The following PPIL6 variants were observed in gnomAD, a reference collection of about 807,000 sequenced individuals.
PPIL6 encodes the protein peptidylprolyl isomerase like 6, also known as probable inactive peptidyl-prolyl cis-trans isomerase-like 6.
A neutral mutation model predicts 36.8 loss-of-function variants in PPIL6; 39 were observed. The observed-to-expected ratio is 1.06, with a 90% CI of 0.82 to 1.38. PPIL6 has a LOEUF of 1.38. PPIL6 is among the 40% of genes most tolerant of loss of function. The pLI is 0.00. For synonymous variants in PPIL6, 123 were observed against 134.1 expected (o/e 0.92, Z 0.57); for missense variants, 368 against 379.1 (o/e 0.97, Z 0.24).
intron 7 of PPIL6, among the ~76,000 whole-genome samples, chr6:109,395,236 A>T (rs1772246757): frequency 6.6e-6 from 1 of 151,970 alleles, no homozygotes; most frequent in Non-Finnish European, 1.5e-5. Context: ...GGGAAAACCC[A>T]TCTCTACTAA....
intron 7 of PPIL6, among the ~76,000 whole-genome samples, chr6:109,397,362 C>G (rs9480947): frequency 0.52 from 79,224 of 151,772 alleles, 21,821 homozygotes; most frequent in African/African-American, 0.71. Context: ...CGCCCTGTAA[C>G]GCTCTGTGTT....
intron 6 of PPIL6, among the ~76,000 whole-genome samples, chr6:109,409,429 C>T (rs984691266): frequency 5.9e-5 from 9 of 151,826 alleles, no homozygotes; most frequent in African/African-American, 4.8e-5. Context: ...CCAGGCAGGG[C>T]GGCAGGTGCC....
At chr6:109,432,616 G>C (rs1774217989) in intron 2 of PPIL6, among the ~76,000 whole-genome samples, 1 of 152,106 alleles carries the variant, frequency 6.6e-6, no homozygotes, top group South Asian at 2.1e-4. Flanking sequence ...GATGGTGCCT[G>C]AGAATTTGCA....
At chr6:109,414,051 T>C (rs905360285) in intron 6 of PPIL6, among the ~76,000 whole-genome samples, 2 of 152,180 alleles carry the variant, frequency 1.3e-5, no homozygotes. Flanking sequence ...TCGTATTTGA[T>C]AGAACAAGAG....
intron 1 of PPIL6, among the ~76,000 whole-genome samples, chr6:109,437,215 G>C (rs1031782660): frequency 6.6e-6 from 1 of 152,216 alleles, no homozygotes; most frequent in Non-Finnish European, 1.5e-5. Context: ...AGCAGTAACA[G>C]GCCTCTTTTC....
In PPIL6 at chr6:109,390,331, T is replaced by G. The variant is rs879072867; in HGVS notation, c.*2495A>C. ...TCATGGAACCCTCACAGCAATCTTA[T>G]GTGGTAGGTACCACTGTTTCTCAGA... On this transcript the variant is annotated 3_prime_UTR_variant, in exon 8 of 8. Coordinates refer to ENST00000521072, the MANE Select transcript of PPIL6 (RefSeq NM_173672.5). 2 of 152,262 alleles carry G rather than the reference T, an allele frequency of 1.3e-5. No individual in the cohort carries two copies. Among genetic ancestry groups the G allele is most frequent in the Admixed American group, 1.3e-4 (2 of 15,288 alleles). 9.4% of individuals were successfully genotyped at this position (152,262 alleles called of 1,614,324 possible).
chr6:109,401,378 A>AT (rs930613751), intron 6 of PPIL6, among the ~76,000 whole-genome samples: 3 of 152,132 alleles, frequency 2.0e-5, no homozygotes, highest in Non-Finnish European at 4.4e-5. Flanking sequence ...AATTCAGTGA[A>AT]TTTTTTCATT....
At chr6:109,403,167 A>G (rs1350107722) in intron 6 of PPIL6, 1 of 1,254,760 alleles carries the variant, frequency 8.0e-7, no homozygotes, top group Non-Finnish European at 1.1e-6. Context: ...TAGAGAAGGC[A>G]TCTTGCTAGT....
At chr6:109,437,807 C>A (rs895001577) in intron 1 of PPIL6, among the ~76,000 whole-genome samples, 2 of 152,088 alleles carry the variant, frequency 1.3e-5, no homozygotes, top group African/African-American at 4.8e-5. Flanking sequence ...TGACCTTAGG[C>A]GATCTGCCTG....
chr6:109,402,599 G>C (rs1275433231), intron 6 of PPIL6, among the ~76,000 whole-genome samples: 1 of 152,096 alleles, frequency 6.6e-6, no homozygotes, highest in African/African-American at 2.4e-5. Context: ...GGACAGCATG[G>C]AAATCCTTAG....
At chr6:109,437,770 G>C (rs1774535455) in intron 1 of PPIL6, among the ~76,000 whole-genome samples, 1 of 151,822 alleles carries the variant, frequency 6.6e-6, no homozygotes, top group African/African-American at 2.4e-5. Flanking sequence ...GGCCAGGCTG[G>C]TCTTGGCCAG....
intron 2 of PPIL6, among the ~76,000 whole-genome samples, chr6:109,433,497 G>A (rs1225823886): frequency 6.6e-6 from 1 of 152,192 alleles, no homozygotes; most frequent in Non-Finnish European, 1.5e-5. Flanking sequence ...TCTATACTTA[G>A]GGAGGCGTGC....
rs1773192741 is a variant in PPIL6 at position 109,415,160 on chromosome 6, A to C, written c.688+4027T>G. ...GGAGGCAGGAAAGGTGGTCACACTC[A>C]GTGTTAACTTTACGGAAATACATTA... On this transcript the variant is annotated intron_variant, in intron 6 of 7. Transcript: ENST00000521072. 2.0e-5 allele frequency among the ~76,000 whole-genome samples: 3 copies of C among 152,190 alleles called. No individual in the cohort carries two copies. The South Asian group carries it at 6.2e-4, about 31-fold the overall frequency.
chr6:109,419,198 G>A lies in PPIL6; in HGVS notation c.677C>T (p.Pro226Leu). 1 of 1,559,020 alleles carries A rather than the reference G, an allele frequency of 6.4e-7. No homozygotes were observed. The change falls in exon 6 of 8, where the codon CCA (proline) becomes CTA (leucine). Residue 226 changes from proline (P) to leucine (L), a missense_variant. By Grantham distance (98) the Pro-to-Leu change is moderately conservative. Coordinates refer to ENST00000521072, the MANE Select transcript of PPIL6 (RefSeq NM_173672.5). ...KGDNGESIYG[P>L]TFEDENFSVP... The stretch of plus-strand genomic sequence containing the variant: ...GTAAAGATACATACCTTCAAATGTT[G>A]GACCATAAATCGACTCTCCATTATC...
chr6:109,398,538 C>T (rs2115196514), intron 7 of PPIL6, among the ~76,000 whole-genome samples: 1 of 152,294 alleles, frequency 6.6e-6, no homozygotes, highest in South Asian at 2.1e-4. Flanking sequence ...AGCCCTGCCT[C>T]ATATTCACTC....
Position 109,426,918 on chromosome 6 carries a change from C to T in PPIL6, c.560G>A (p.Arg187His), listed in dbSNP as rs761120119. ...LCTGKAGFSQ[R>H]GIRLHYKNSI... ...ATTTTTGTAATGTAGTCTTATGCCA[C>T]GTTGAGAAAACCCTGCTTTTCCTGT... Residue 187 changes from arginine (R) to histidine (H), a missense_variant, in exon 5 of 8, where the codon CGT becomes CAT. By Grantham distance (29) the Arg-to-His change is conservative. Transcript: ENST00000521072. 5.6e-6 allele frequency: 9 copies of T among 1,607,974 alleles called. No individual in the cohort carries two copies. The highest frequency in any genetic ancestry group is 1.7e-4 in the Middle Eastern group (1 of 6,060).
At chr6:109,431,393 G>T in intron 2 of PPIL6, 48 bp from the exon 3 acceptor site, 1 of 1,404,396 alleles carries the variant, frequency 7.1e-7, no homozygotes, top group African/African-American at 1.5e-5. Context: ...GAAGTGGGGG[G>T]AAAACTTGCT....
At position 109,431,360 on chromosome 6, in the gene PPIL6, G is replaced by C; in HGVS notation, c.232-15C>G. Reference sequence around the variant, plus strand: ...TTTTTGAGTTCCTGTAAGGGAAAAGGACAAAAAAAAAAAAAAACGTAAGAA... The same window carrying C: ...TTTTTGAGTTCCTGTAAGGGAAAAGCACAAAAAAAAAAAAAAACGTAAGAA... On this transcript the variant is annotated splice_polypyrimidine_tract_variant and intron_variant, in intron 2 of 7. Transcript: ENST00000521072. 5 of 878,922 alleles carry C rather than the reference G, an allele frequency of 5.7e-6. No individual in the cohort carries two copies. The highest frequency in any genetic ancestry group is 5.9e-6 in the Non-Finnish European group (4 of 682,252). The allele number at this position is 878,922 out of a possible 1,614,324, so 54.4% of individuals were successfully genotyped here.
intron 5 of PPIL6, among the ~76,000 whole-genome samples, chr6:109,425,749 C>T (rs1329558300): frequency 2.9e-5 from 3 of 103,676 alleles, no homozygotes; most frequent in African/African-American, 1.1e-4. Context: ...GACTCCGTTT[C>T]AAAAAAAAAA....
Sources: gnomAD v4.1 joint callset for allele counts (sites outside exome capture counted in the v4.1 genomes callset) on GRCh38, gnomAD v4.1.1 for gene constraint, MANE v1.5 for transcripts, NCBI Gene and HGNC (gene_info 2026-07-23, HGNC 2026-07-21) for gene names.